SYNPO2L: variants seen among roughly 807,000 people sequenced by gnomAD.
SYNPO2L encodes synaptopodin 2 like.
SYNPO2L carries 34 observed loss-of-function variants against 47.5 expected under a neutral mutation model. The observed-to-expected ratio is 0.72, with a 90% CI of 0.54 to 0.95. SYNPO2L has a LOEUF of 0.95. Among genes scored for constraint, SYNPO2L ranks in the 40% least tolerant of loss-of-function variants. The pLI is 0.00. For missense variants in SYNPO2L, 1,246 were observed against 1,282.0 expected, an observed-to-expected ratio of 0.97 and a Z score of 0.43; for synonymous variants, 536 against 524.9, an observed-to-expected ratio of 1.02 and a Z score of -0.29.
intron 3 of SYNPO2L, 66 bp downstream of exon 3, chr10:73,653,073 T>C: frequency 2.1e-6 from 3 of 1,431,786 alleles, no homozygotes; most frequent in Non-Finnish European, 1.8e-6. Flanking sequence ...TGTACGGCTA[T>C]AGAAGGCTGG....
chr10:73,650,576 C>T (rs1248572232), intron 3 of SYNPO2L: 2 of 636,520 alleles, frequency 3.1e-6, no homozygotes, highest in African/African-American at 4.0e-5. Flanking sequence ...GTCTTCTTGA[C>T]ACTATACTTT....
Position 73,654,243 on chromosome 10 carries a change from C to T in SYNPO2L, c.143G>A (p.Arg48Gln), listed in dbSNP as rs866775401. ...RRSQAGRAGL[R>Q]ERDQLLAING... The stretch of plus-strand genomic sequence containing the variant: ...GATTGCCAAGAGCTGGTCCCTCTCT[C>T]GGAGTCCTGCTCTGCCAGCCTGGCT... Residue 48 changes from arginine (R) to glutamine (Q), a missense_variant, in exon 2 of 4, where the codon CGA becomes CAA. Physicochemically the swap from Arg to Gln is conservative, Grantham distance 43. This residue lies in a region of SYNPO2L where 148 missense variants were observed against 204.8 expected (regional missense o/e 0.72). Coordinates refer to ENST00000394810, the MANE Select transcript of SYNPO2L (RefSeq NM_001114133.3). The T allele has an allele frequency of 4.4e-5, 69 of 1,551,520 alleles. No individual in the cohort carries two copies. In the East Asian group the frequency reaches 1.4e-3, roughly 31 times the overall value.
rs1220932227 is a variant in SYNPO2L at position 73,647,279 on chromosome 10, A to T, written c.2373T>A (p.Pro791=). 2 of 1,614,062 alleles carry T rather than the reference A, an allele frequency of 1.2e-6. No homozygotes were observed. Among genetic ancestry groups the T allele is most frequent in the Non-Finnish European group, 1.7e-6 (2 of 1,179,984 alleles). ...GLGPRPRSPS[P]TPSLPPSWKY... Reference sequence around the variant, plus strand: ...TCCAGGAAGGGGGCAGAGACGGGGTAGGAGAAGGACTTCTAGGCCGAGGGC... The same window carrying T: ...TCCAGGAAGGGGGCAGAGACGGGGTTGGAGAAGGACTTCTAGGCCGAGGGC... The change falls in exon 4 of 4, where the codon CCT becomes CCA. Residue 791 remains proline, a synonymous_variant. Transcript: ENST00000394810.
rs188178616 is a variant in SYNPO2L at position 73,646,036 on chromosome 10, G to A, written c.*682C>T. The A allele has an allele frequency of 1.0e-6, 1 of 953,524 alleles. No individual in the cohort carries two copies. Among genetic ancestry groups the A allele is most frequent in the Non-Finnish European group, 1.2e-6 (1 of 800,928 alleles). 59.1% of individuals were successfully genotyped at this position (953,524 alleles called of 1,614,324 possible). A position where few individuals can be genotyped will look rare whatever the true frequency, so the allele number is the denominator to read the frequency against. On this transcript the variant is annotated 3_prime_UTR_variant, in exon 4 of 4. Transcript: ENST00000394810. ...AAATGGGGTTTCACCGTGTTAGCCA[G>A]GATGGTCTCGATCTCCTGACCTCGT... is the stretch of plus-strand genomic sequence containing the variant.
At position 73,653,372 on chromosome 10, in the gene SYNPO2L, C is replaced by A. The variant is rs2081855621; in HGVS notation, c.539G>T (p.Ser180Ile). The A allele has an allele frequency of 6.4e-7, 1 of 1,551,566 alleles. No homozygotes were observed. Residue 180 changes from serine to isoleucine, a missense_variant, in exon 3 of 4, where the codon AGC becomes ATC. By Grantham distance (142) the Ser-to-Ile change is moderately radical. Coordinates refer to ENST00000394810, the MANE Select transcript of SYNPO2L (RefSeq NM_001114133.3). ...GATAGTAGGTGCTGGCTCTGCAGGG[C>A]TGTCAGACAGGTAGACCTCATCAGG... ...APPDEVYLSDSPAEPAPTIPG... is the reference protein window; with the variant it reads ...APPDEVYLSDIPAEPAPTIPG...
chr10:73,655,960 T>C lies in SYNPO2L; in HGVS notation c.-38A>G. The C allele has an allele frequency of 6.6e-7, 1 of 1,521,062 alleles. No homozygotes were observed. Among genetic ancestry groups the C allele is most frequent in the Non-Finnish European group, 8.9e-7 (1 of 1,126,980 alleles). 94.2% of individuals were successfully genotyped at this position (1,521,062 alleles called of 1,614,324 possible). A position where few individuals can be genotyped will look rare whatever the true frequency, so the allele number is the denominator to read the frequency against. ...CCTATGGCCCCCGGAGTTTGAACAG[T>C]GTCCCCAGGAGAGAAGTTGAGGTGC... On this transcript the variant is annotated 5_prime_UTR_variant, in exon 1 of 4. Coordinates refer to ENST00000394810, the MANE Select transcript of SYNPO2L (RefSeq NM_001114133.3).
chr10:73,648,072 C>G lies in SYNPO2L; in HGVS notation c.1580G>C (p.Ser527Thr), dbSNP rs754199606. The change falls in exon 4 of 4, where the codon AGC becomes ACC. Residue 527 changes from serine (S) to threonine (T), a missense_variant. Ser to Thr is a moderately conservative substitution (Grantham distance 58). Transcript: ENST00000394810. The stretch of plus-strand genomic sequence containing the variant: ...GGGGGAACCAGAGACTGGCGCGTGG[C>G]TGGGAACCCCTGAAGTGAAGCTGGG... Reference protein sequence around the residue: ...PLPSFTSGVPSHAPVSGSPST... With the variant: ...PLPSFTSGVPTHAPVSGSPST... 1 of 1,577,218 alleles carries G rather than the reference C, an allele frequency of 6.3e-7. No homozygotes were observed. The highest frequency in any genetic ancestry group is 8.6e-7 in the Non-Finnish European group (1 of 1,163,202).
At chr10:73,655,785 C>T (rs1262714257) in intron 1 of SYNPO2L, 33 bp downstream of exon 1, 2 of 1,360,880 alleles carry the variant, frequency 1.5e-6, no homozygotes, top group South Asian at 1.2e-5. Flanking sequence ...GGTTCCCTTT[C>T]CCTGAAGCCT....
Position 73,648,301 on chromosome 10 carries a change from G to C in SYNPO2L, c.1351C>G (p.Gln451Glu). 5.0e-6 allele frequency: 8 copies of C among 1,604,142 alleles called. No individual in the cohort carries two copies. Among genetic ancestry groups the C allele is most frequent in the Non-Finnish European group, 6.8e-6 (8 of 1,179,484 alleles). Residue 451 changes from glutamine to glutamate, a missense_variant, in exon 4 of 4, where the codon CAA becomes GAA. Physicochemically the swap from Gln to Glu is conservative, Grantham distance 29 (BLOSUM62 2). This residue lies in a region of SYNPO2L where 1,037 missense variants were observed against 1,021.5 expected (regional missense o/e 1.02). Transcript: ENST00000394810. Reference protein sequence around the residue: ...PAPVASPRPFQPGGGAPTPAP... With the variant: ...PAPVASPRPFEPGGGAPTPAP... ...GGGGTCGGGGCTCCACCACCTGGTT[G>C]GAAGGGTCTGGGGCTGGCTACAGGC...
At position 73,647,782 on chromosome 10, in the gene SYNPO2L, G is replaced by A. The variant is rs759446036; in HGVS notation, c.1870C>T (p.Leu624=). The change falls in exon 4 of 4, where the codon CTG becomes TTG. Residue 624 remains leucine, a synonymous_variant. Transcript: ENST00000394810. ...GTCCCCCGGCGCCGGGCCTCCTGCA[G>A]GATACCCGTGCGGGCAGCTGGCACA... ...ISVPAARTGI[L]QEARRRGTRK... 3.1e-6 allele frequency: 5 copies of A among 1,612,402 alleles called. No homozygotes were observed. The highest frequency in any genetic ancestry group is 4.2e-6 in the Non-Finnish European group (5 of 1,178,934).
At position 73,645,897 on chromosome 10, in the gene SYNPO2L, T is replaced by C; in HGVS notation, c.*821A>G. The C allele has an allele frequency of 1.0e-6, 1 of 960,174 alleles. No homozygotes were observed. The highest frequency in any genetic ancestry group is 1.2e-6 in the Non-Finnish European group (1 of 806,546). 59.5% of individuals were successfully genotyped at this position (960,174 alleles called of 1,614,324 possible). A position where few individuals can be genotyped will look rare whatever the true frequency, so the allele number is the denominator to read the frequency against. On this transcript the variant is annotated 3_prime_UTR_variant, in exon 4 of 4. Coordinates refer to ENST00000394810, the MANE Select transcript of SYNPO2L (RefSeq NM_001114133.3). ...TGGAGTGCAGTGGCGCAATCTCAGC[T>C]CACTGCAAGCTCCGCCTTCCAGGTT...
At position 73,653,123 on chromosome 10, in the gene SYNPO2L, G is replaced by A. The variant is rs1399901635; in HGVS notation, c.772+16C>T. 1.4e-6 allele frequency: 2 copies of A among 1,442,854 alleles called. No homozygotes were observed. Among genetic ancestry groups the A allele is most frequent in the Non-Finnish European group, 1.8e-6 (2 of 1,094,298 alleles). 89.4% of individuals were successfully genotyped at this position (1,442,854 alleles called of 1,614,324 possible). On this transcript the variant is annotated intron_variant, in intron 3 of 3. Transcript: ENST00000394810. ...TTGAAGGATCCTGGCTGGGGAAAAG[G>A]GGTTCAGGCACTCACTGGCTTGCTT...
chr10:73,650,103 C>T (rs2081827974), intron 3 of SYNPO2L: 2 of 985,240 alleles, frequency 2.0e-6, no homozygotes, highest in Non-Finnish European at 2.4e-6. Flanking sequence ...GGAGGGCTAC[C>T]CTGCTGCGAG....
rs2081766825 is a variant in SYNPO2L at position 73,647,226 on chromosome 10, G to A, written c.2426C>T (p.Pro809Leu). 2.5e-6 allele frequency: 4 copies of A among 1,614,022 alleles called. No homozygotes were observed. In the African/African-American group the frequency reaches 4.0e-5, roughly 16 times the overall value. Reference sequence around the variant, plus strand: ...GAGCAGTGGGTTGTAAGCAATAGGAGGCGGGGCACGGATGTTGGGTGAATA... The same window carrying A: ...GAGCAGTGGGTTGTAAGCAATAGGAAGCGGGGCACGGATGTTGGGTGAATA... ...WKYSPNIRAP[P>L]PIAYNPLLSP... The change falls in exon 4 of 4, where the codon CCT becomes CTT. Residue 809 changes from proline (P) to leucine (L), a missense_variant. Physicochemically the swap from Pro to Leu is moderately conservative, Grantham distance 98 (BLOSUM62 -3). Around this residue, in one of 3 missense-constraint regions of SYNPO2L, gnomAD observed 1,037 missense variants for 1,021.5 expected, o/e 1.02. Coordinates refer to ENST00000394810, the MANE Select transcript of SYNPO2L (RefSeq NM_001114133.3).
chr10:73,647,340 C>A lies in SYNPO2L; in HGVS notation c.2312G>T (p.Arg771Met), dbSNP rs769441554. Residue 771 changes from arginine to methionine, a missense_variant, in exon 4 of 4, where the codon AGG becomes ATG. Around this residue, in one of 3 missense-constraint regions of SYNPO2L, gnomAD observed 1,037 missense variants for 1,021.5 expected, o/e 1.02. Coordinates refer to ENST00000394810, the MANE Select transcript of SYNPO2L (RefSeq NM_001114133.3). ...LFAKRQSRAD[R>M]YVVEGTPGPG... ...ACCAGGTGTACCTTCCACCACATACCTGTCCGCACGGCTCTGCCGCTTAGC... is the reference window on the plus strand; with the variant it reads ...ACCAGGTGTACCTTCCACCACATACATGTCCGCACGGCTCTGCCGCTTAGC... The A allele has an allele frequency of 1.2e-6, 2 of 1,613,954 alleles. No individual in the cohort carries two copies. The highest frequency in any genetic ancestry group is 2.7e-5 in the African/African-American group (2 of 74,850).
chr10:73,646,060 G>C lies in SYNPO2L; in HGVS notation c.*658C>G, dbSNP rs1044370205. 47 of 978,750 alleles carry C rather than the reference G, an allele frequency of 4.8e-5. No homozygotes were observed. The highest frequency in any genetic ancestry group is 6.2e-5 in the Admixed American group (1 of 16,230). 60.6% of individuals were successfully genotyped at this position (978,750 alleles called of 1,614,324 possible). On this transcript the variant is annotated 3_prime_UTR_variant, in exon 4 of 4. Coordinates refer to ENST00000394810, the MANE Select transcript of SYNPO2L (RefSeq NM_001114133.3). ...AGGATGGTCTCGATCTCCTGACCTC[G>C]TGATCCGCCCGCCTCGGCCTCCCAA... is the stretch of plus-strand genomic sequence containing the variant.
At chr10:73,649,773 C>T (rs1332446208) in intron 3 of SYNPO2L, 3 of 985,304 alleles carry the variant, frequency 3.0e-6, no homozygotes, top group Non-Finnish European at 2.4e-6. Context: ...TTCCAACTGC[C>T]AGGGCAGTCC....
At position 73,647,965 on chromosome 10, in the gene SYNPO2L, C is replaced by A. The variant is rs2081789884; in HGVS notation, c.1687G>T (p.Gly563Ter). The A allele has an allele frequency of 1.9e-6, 3 of 1,538,812 alleles. No homozygotes were observed. Among genetic ancestry groups the A allele is most frequent in the Non-Finnish European group, 2.6e-6 (3 of 1,145,636 alleles). ...GGAGGAGCGGGGGGCTCTGGAGCTC[C>A]ACCTGGGGTGACAGGCCGACTAGGG... is the stretch of plus-strand genomic sequence containing the variant. ...PAPSRPVTPG[G>*]APEPPAPPSA... The change falls in exon 4 of 4, where the codon GGA becomes TGA. Residue 563 changes from glycine (G) to a stop codon, truncating the protein, a stop_gained. Transcript: ENST00000394810. LOFTEE classifies it high-confidence loss of function.
intron 2 of SYNPO2L, 197 bp downstream of exon 2, chr10:73,653,932 A>G (rs2081860023): frequency 1.3e-6 from 1 of 780,290 alleles, no homozygotes; most frequent in Non-Finnish European, 2.0e-6. Context: ...TCAAATACCC[A>G]CTGACATCCC....
Sources: gnomAD v4.1 joint callset for allele counts on GRCh38, gnomAD v4.1.1 for gene constraint, gnomAD v4.1.1 regional missense constraint, MANE v1.5 for transcripts, NCBI Gene and HGNC (gene_info 2026-07-23, HGNC 2026-07-21) for gene names.